PITPNM2: variants seen among roughly 807,000 people sequenced by gnomAD.
The protein encoded by PITPNM2 is membrane-associated phosphatidylinositol transfer protein 2.
A neutral mutation model predicts 132.2 loss-of-function variants in PITPNM2; 35 were observed. The observed-to-expected ratio is 0.26, with a 90% CI of 0.20 to 0.35. The LOEUF is 0.35. Among genes scored for constraint, PITPNM2 ranks in the 10% least tolerant of loss-of-function variants. PITPNM2 has a pLI of 1.00. For synonymous variants in PITPNM2, 738 were observed against 799.2 expected (o/e 0.92, Z 1.29); for missense variants, 1,332 against 1,912.0 (o/e 0.70, Z 5.66).
At position 123,095,881 on chromosome 12, in the gene PITPNM2, C is replaced by A. The variant is rs867901569; in HGVS notation, c.-96+14504G>T. ...CCTGAGGCTCCCTTCATGGGCTCCA[C>A]GCCCCAGTGGCAGACCCCCCCAACC... On this transcript the variant is annotated intron_variant, in intron 2 of 25. Coordinates refer to ENST00000320201, the MANE Select transcript of PITPNM2 (RefSeq NM_020845.3). The surrounding 1 kb of genome is among the most constrained non-coding windows in gnomAD (Gnocchi z 5.0). 7.9e-5 allele frequency among the ~76,000 whole-genome samples: 12 copies of A among 152,256 alleles called. No homozygotes were observed. Among genetic ancestry groups the A allele is most frequent in the South Asian group, 4.1e-4 (2 of 4,834 alleles).
chr12:123,133,932 T>G (rs1156634008), intron 1 of PITPNM2, among the ~76,000 whole-genome samples: 1 of 152,174 alleles, frequency 6.6e-6, no homozygotes, highest in Non-Finnish European at 1.5e-5. Flanking sequence ...TACGCCCACC[T>G]TGGCCTCCCA....
chr12:123,026,718 T>C (rs1199749632), intron 3 of PITPNM2, among the ~76,000 whole-genome samples: 1 of 152,182 alleles, frequency 6.6e-6, no homozygotes, highest in Admixed American at 6.5e-5. Context: ...TTCACGCCTT[T>C]TCCAGGACAG....
chr12:123,060,647 G>A (rs2041203893), intron 2 of PITPNM2, among the ~76,000 whole-genome samples: 1 of 152,230 alleles, frequency 6.6e-6, no homozygotes, highest in African/African-American at 2.4e-5. Context: ...ACTCCTATTG[G>A]AAAGGGATGA....
chr12:123,135,262 A>AT (rs55813735), intron 1 of PITPNM2, among the ~76,000 whole-genome samples: 1 of 152,154 alleles, frequency 6.6e-6, no homozygotes, highest in African/African-American at 2.4e-5. Context: ...TTCAGGTTCC[A>AT]TTTTTTTAAA....
chr12:123,074,713 T>C (rs2041726126), intron 2 of PITPNM2, among the ~76,000 whole-genome samples: 1 of 152,144 alleles, frequency 6.6e-6, no homozygotes, highest in Non-Finnish European at 1.5e-5. Context: ...ATCCCTTCCC[T>C]TTGGGCTGGC....
At chr12:123,007,410 A>G (rs2038983109) in intron 6 of PITPNM2, 1 of 456,090 alleles carries the variant, frequency 2.2e-6, no homozygotes, top group Non-Finnish European at 4.4e-6. Flanking sequence ...AGGCATGGGG[A>G]TTTCTCCAGG....
At chr12:123,125,787 A>G (rs573327409) in intron 1 of PITPNM2, among the ~76,000 whole-genome samples, 1 of 128,872 alleles carries the variant, frequency 7.8e-6, no homozygotes, top group South Asian at 2.9e-4. Context: ...GGTTGCAGTG[A>G]GCCGAGATTA....
chr12:122,998,035 C>T (rs996354628), intron 10 of PITPNM2, among the ~76,000 whole-genome samples: 1 of 152,172 alleles, frequency 6.6e-6, no homozygotes, highest in Non-Finnish European at 1.5e-5. Flanking sequence ...CAGACAGGGC[C>T]ACCACCAGCT....
At chr12:123,085,158 G>A (rs547640513) in intron 2 of PITPNM2, among the ~76,000 whole-genome samples, 1 of 152,326 alleles carries the variant, frequency 6.6e-6, no homozygotes, top group East Asian at 1.9e-4. Context: ...GATTTCGAGG[G>A]GCACCTGTCT....
intron 17 of PITPNM2, 124 bp downstream of exon 17, chr12:122,990,421 G>C: frequency 7.2e-7 from 1 of 1,379,340 alleles, no homozygotes. Flanking sequence ...TACCCACCAG[G>C]TGCCAGCAGC....
rs1045540324 is a variant in PITPNM2 at position 123,008,951 on chromosome 12, G to C, written c.643+899C>G. On this transcript the variant is annotated intron_variant, in intron 6 of 25. Coordinates refer to ENST00000320201, the MANE Select transcript of PITPNM2 (RefSeq NM_020845.3). This position sits in a 1 kb window ranked among gnomAD's most constrained non-coding sequence, Gnocchi z 4.1. ...TCCCTTACTGATGCTAAGAACAGGA[G>C]GATGTTAATTCAGGACAAGGGTGGC... 6.6e-6 allele frequency among the ~76,000 whole-genome samples: 1 copy of C among 152,206 alleles called. No individual in the cohort carries two copies. Among genetic ancestry groups the C allele is most frequent in the Non-Finnish European group, 1.5e-5 (1 of 68,042 alleles).
intron 1 of PITPNM2, among the ~76,000 whole-genome samples, chr12:123,126,325 A>G (rs1289014767): frequency 1.3e-5 from 2 of 152,102 alleles, no homozygotes; most frequent in African/African-American, 2.4e-5. Flanking sequence ...TTCTTGCCCT[A>G]TTAACCTCTC....
chr12:123,015,078 A>G (rs1312561115), intron 3 of PITPNM2, among the ~76,000 whole-genome samples: 2 of 152,230 alleles, frequency 1.3e-5, no homozygotes, highest in Non-Finnish European at 2.9e-5. Flanking sequence ...GATGGATTGG[A>G]AGATTTAATA....
chr12:123,085,485 G>A (rs2137052627), intron 2 of PITPNM2, among the ~76,000 whole-genome samples: 1 of 152,300 alleles, frequency 6.6e-6, no homozygotes, highest in South Asian at 2.1e-4. Context: ...GAGACAAAGA[G>A]TACGGCAGAG....
At position 122,986,787 on chromosome 12, in the gene PITPNM2, G is replaced by A. The variant is rs2136036027; in HGVS notation, c.3456C>T (p.Gly1152=). ...CCCGCTGCTTCTGCATGTCGGGCCGGCCCGTCACGTAGATGATGAGGTAGC... is the reference window on the plus strand; with the variant it reads ...CCCGCTGCTTCTGCATGTCGGGCCGACCCGTCACGTAGATGATGAGGTAGC... ...DLGYLIIYVT[G]RPDMQKQRVV... Residue 1152 remains glycine, a synonymous_variant, in exon 24 of 26, where the codon GGC becomes GGT. Transcript: ENST00000320201. 6.2e-7 allele frequency: 1 copy of A among 1,613,382 alleles called. No individual in the cohort carries two copies. Among genetic ancestry groups the A allele is most frequent in the African/African-American group, 1.3e-5 (1 of 75,072 alleles).
intron 1 of PITPNM2, among the ~76,000 whole-genome samples, chr12:123,131,498 C>T (rs1273673319): frequency 1.3e-5 from 2 of 152,178 alleles, no homozygotes; most frequent in Non-Finnish European, 2.9e-5. Flanking sequence ...TTTAAGCCAT[C>T]CAGTTGTGGT....
chr12:123,037,281 G>C (rs769554645), intron 2 of PITPNM2, among the ~76,000 whole-genome samples: 9 of 152,362 alleles, frequency 5.9e-5, no homozygotes, highest in Middle Eastern at 3.4e-3. Flanking sequence ...AAAGGAGAGA[G>C]AGCTTTATGT....
chr12:122,996,645 T>C, intron 12 of PITPNM2, 68 bp from the exon 13 acceptor site: 1 of 1,611,010 alleles, frequency 6.2e-7, no homozygotes, highest in Non-Finnish European at 8.5e-7. Flanking sequence ...GGGGAGGCCG[T>C]CACCTTCCCC....
At chr12:123,059,062 T>C (rs1014081896) in intron 2 of PITPNM2, among the ~76,000 whole-genome samples, 10 of 152,020 alleles carry the variant, frequency 6.6e-5, no homozygotes, top group Admixed American at 2.0e-4. Context: ...CATAAGTACT[T>C]AGGAGAGGCA....
Sources: gnomAD v4.1 joint callset for allele counts (sites outside exome capture counted in the v4.1 genomes callset) on GRCh38, gnomAD v4.1.1 for gene constraint, Gnocchi (gnomAD v3.1) non-coding constraint, MANE v1.5 for transcripts, NCBI Gene and HGNC (gene_info 2026-07-23, HGNC 2026-07-21) for gene names.